Variants in ARID4B observed in about 807,000 individuals in gnomAD.
ARID4B encodes AT-rich interactive domain-containing protein 4B.
In ARID4B, 26 loss-of-function variants were observed where a neutral mutation model predicts 147.5. That is an observed-to-expected ratio of 0.18 (90% CI 0.13 to 0.24). ARID4B has a LOEUF of 0.24. Among genes scored for constraint, ARID4B ranks in the 10% least tolerant of loss-of-function variants. The pLI is 1.00. For missense variants in ARID4B, 1,179 were observed against 1,511.5 expected (o/e 0.78, Z 3.65); for synonymous variants, 512 against 507.9 (o/e 1.01, Z -0.11).
At position 235,289,741 on chromosome 1, in the gene ARID4B, A is replaced by G. The variant is rs1672209250; in HGVS notation, c.7-28989T>C. ...ATTCTGCCTCAAAAAAAAAAAAAAA[A>G]GCCAACCATTCAACAGAAAAATGGG... is the stretch of plus-strand genomic sequence containing the variant. On this transcript the variant is annotated intron_variant, in intron 2 of 23. Transcript: ENST00000264183. Among the ~76,000 whole-genome samples, 3 of 148,970 alleles carry G rather than the reference A, an allele frequency of 2.0e-5. No individual in the cohort carries two copies. The Admixed American group carries it at 2.0e-4, about 10-fold the overall frequency.
At chr1:235,252,631 T>C in intron 6 of ARID4B, 99 bp downstream of exon 6, 1 of 942,712 alleles carries the variant, frequency 1.1e-6, no homozygotes, top group Non-Finnish European at 1.6e-6. Context: ...TAATGAACTT[T>C]CCTGATTAGG....
chr1:235,208,208 A>T (rs1334465623), intron 17 of ARID4B, among the ~76,000 whole-genome samples: 1 of 152,244 alleles, frequency 6.6e-6, no homozygotes, highest in African/African-American at 2.4e-5. Flanking sequence ...GTTGTTACTA[A>T]ACAAAGAAAT....
intron 2 of ARID4B, among the ~76,000 whole-genome samples, chr1:235,266,780 A>G (rs535840414): frequency 1.3e-5 from 2 of 149,326 alleles, no homozygotes; most frequent in South Asian, 4.2e-4. Context: ...GAAAGACAAT[A>G]GTTAAATCAA....
At chr1:235,324,237 A>T (rs1675055696) in intron 2 of ARID4B, among the ~76,000 whole-genome samples, 1 of 152,166 alleles carries the variant, frequency 6.6e-6, no homozygotes, top group Non-Finnish European at 1.5e-5. Context: ...GTCTATCAAG[A>T]GCATGAAAAA....
intron 2 of ARID4B, among the ~76,000 whole-genome samples, chr1:235,296,848 G>GGGAGA (rs1672773913): frequency 9.8e-5 from 1 of 10,192 alleles, no homozygotes; most frequent in Non-Finnish European, 2.6e-4. Flanking sequence ...GGAGGAAGGA[G>GGGAGA]GGAGGGAAGG....
chr1:235,257,084 A>G lies in ARID4B; in HGVS notation c.183+76T>C, dbSNP rs577676684. 147 of 977,154 alleles carry G rather than the reference A, an allele frequency of 1.5e-4. No individual in the cohort carries two copies. The African/African-American group carries it at 2.2e-3, about 15-fold the overall frequency. 60.5% of individuals were successfully genotyped at this position (977,154 alleles called of 1,614,324 possible). On this transcript the variant is annotated intron_variant, in intron 4 of 23. Coordinates refer to ENST00000264183, the MANE Select transcript of ARID4B (RefSeq NM_016374.6). Reference sequence around the variant, plus strand: ...GAATTTATCAACTCAATAACAAAAGAGCCAATGAATTAATACCAAGTATGA... The same window carrying G: ...GAATTTATCAACTCAATAACAAAAGGGCCAATGAATTAATACCAAGTATGA...
chr1:235,236,864 T>TATGTG (rs1328290921), intron 8 of ARID4B, among the ~76,000 whole-genome samples: 1 of 20,992 alleles, frequency 4.8e-5, no homozygotes, highest in African/African-American at 2.5e-4. Context: ...ATATATATAT[T>TATGTG]TTTTTTTTTT....
intron 17 of ARID4B, among the ~76,000 whole-genome samples, chr1:235,196,831 G>A (rs1024906889): frequency 4.8e-5 from 6 of 124,244 alleles, no homozygotes; most frequent in African/African-American, 1.9e-4. Context: ...CAGCCTGGGC[G>A]ACAGAGCGAG....
At chr1:235,326,868 C>T in intron 2 of ARID4B, 46 bp downstream of exon 2, 1 of 1,611,920 alleles carries the variant, frequency 6.2e-7, no homozygotes, top group South Asian at 1.1e-5. Context: ...CTCCTACTTC[C>T]TGAATTCGAT....
intron 2 of ARID4B, among the ~76,000 whole-genome samples, chr1:235,274,999 G>A (rs1324209590): frequency 2.6e-5 from 3 of 114,674 alleles, no homozygotes; most frequent in African/African-American, 3.8e-5. Flanking sequence ...AATTTTGTGT[G>A]TGTGTGTGTG....
chr1:235,216,393 G>A (rs1667082653), intron 16 of ARID4B, among the ~76,000 whole-genome samples: 2 of 151,666 alleles, frequency 1.3e-5, no homozygotes. Flanking sequence ...TGTTGCCCAG[G>A]CTGGAGTACA....
chr1:235,168,656 A>C lies in ARID4B; in HGVS notation c.3812-4T>G, dbSNP rs780848243. The C allele has an allele frequency of 1.9e-6, 3 of 1,611,048 alleles. No homozygotes were observed. Among genetic ancestry groups the C allele is most frequent in the Non-Finnish European group, 2.5e-6 (3 of 1,178,328 alleles). On this transcript the variant is annotated splice_polypyrimidine_tract_variant and splice_region_variant and intron_variant, in intron 23 of 23. Transcript: ENST00000264183. Reference sequence around the variant, plus strand: ...GAGGATGAGGATGTAGCAGCACCTAAGGAAAAGGGAGACCAAACCAAGAGC... The same window carrying C: ...GAGGATGAGGATGTAGCAGCACCTACGGAAAAGGGAGACCAAACCAAGAGC...
intron 20 of ARID4B, among the ~76,000 whole-genome samples, chr1:235,178,200 G>A (rs889727095): frequency 2.0e-5 from 3 of 151,960 alleles, no homozygotes; most frequent in Non-Finnish European, 1.5e-5. Flanking sequence ...ATAGTACTGG[G>A]AGTTTATAAG....
rs549741895 is a variant in ARID4B at position 235,308,433 on chromosome 1, G to A, written c.6+18481C>T. ...GATTTTTTCTAATTTTTAAGAAACA[G>A]GGGCTCCCCCTCCCCCTCCCCCTCC... On this transcript the variant is annotated intron_variant, in intron 2 of 23. Transcript: ENST00000264183. 6.0e-5 allele frequency among the ~76,000 whole-genome samples: 9 copies of A among 150,982 alleles called. No individual in the cohort carries two copies. The East Asian group carries it at 1.8e-3, about 30-fold the overall frequency.
chr1:235,288,110 G>C (rs1265897914), intron 2 of ARID4B, among the ~76,000 whole-genome samples: 1 of 152,184 alleles, frequency 6.6e-6, no homozygotes, highest in African/African-American at 2.4e-5. Context: ...AATTTCTCAA[G>C]ACCAGGCTGG....
At chr1:235,241,390 A>G (rs1409099366) in intron 7 of ARID4B, among the ~76,000 whole-genome samples, 1 of 152,234 alleles carries the variant, frequency 6.6e-6, no homozygotes, top group East Asian at 1.9e-4. Context: ...AACTTTAAAC[A>G]TGATTTACCT....
chr1:235,299,795 G>C lies in ARID4B; in HGVS notation c.6+27119C>G, dbSNP rs908309418. On this transcript the variant is annotated intron_variant, in intron 2 of 23. Coordinates refer to ENST00000264183, the MANE Select transcript of ARID4B (RefSeq NM_016374.6). ...CATAATTCTTGTTCATTGGTGGTTA[G>C]CTGCTTGAAGCAGTAGTACTATCTT... is the stretch of plus-strand genomic sequence containing the variant. 7.9e-5 allele frequency among the ~76,000 whole-genome samples: 12 copies of C among 152,312 alleles called. No homozygotes were observed. The East Asian group carries it at 1.5e-3, about 20-fold the overall frequency.
chr1:235,220,026 ATGGTTTATC>A, intron 15 of ARID4B, 58 bp from the exon 16 acceptor site: 2 of 1,179,808 alleles, frequency 1.7e-6, no homozygotes, highest in Non-Finnish European at 2.3e-6. Flanking sequence ...ACCTATATCC[ATGGTTTATC>A]TCTTAGCAAC....
intron 17 of ARID4B, among the ~76,000 whole-genome samples, chr1:235,199,928 T>C (rs536993963): frequency 6.6e-6 from 1 of 151,960 alleles, no homozygotes; most frequent in South Asian, 2.1e-4. Flanking sequence ...GTTCCTTCCG[T>C]ATATGTAATT....
Sources: allele counts gnomAD v4.1 joint callset (sites outside exome capture counted in the v4.1 genomes callset), GRCh38; gene constraint gnomAD v4.1.1; transcripts MANE v1.5; gene names NCBI Gene and HGNC (gene_info 2026-07-23, HGNC 2026-07-21).